The following MYO16 variants were observed in gnomAD, a reference collection of about 807,000 sequenced individuals.
MYO16 encodes the protein myosin XVI.
A neutral mutation model predicts 205.3 loss-of-function variants in MYO16; 94 were observed. The ratio of observed to expected loss-of-function variants is 0.46; its 90% confidence interval spans 0.39 to 0.54. The LOEUF (loss-of-function observed/expected upper bound fraction) is 0.54, where lower values mean the gene tolerates loss of function less well. Among genes scored for constraint, MYO16 ranks in the 20% least tolerant of loss-of-function variants. The pLI is 0.00. For synonymous variants in MYO16, 988 were observed against 954.0 expected, an observed-to-expected ratio of 1.04 and a Z score of -0.66; for missense variants, 2,315 against 2,387.5, an observed-to-expected ratio of 0.97 and a Z score of 0.63.
chr13:108,824,530 A>T (rs1876152406), intron 9 of MYO16, among the ~76,000 whole-genome samples: 1 of 152,114 alleles, frequency 6.6e-6, no homozygotes, highest in South Asian at 2.1e-4. Context: ...ATGGTTAAAG[A>T]TGTTAATGCC....
chr13:108,580,244 G>T, the MYO16 span, among the ~76,000 whole-genome samples: 1 of 152,146 alleles, frequency 6.6e-6, no homozygotes, highest in Non-Finnish European at 1.5e-5. Flanking sequence ...GAGGTCCAGT[G>T]TCTCTCTTTA....
intron 9 of MYO16, among the ~76,000 whole-genome samples, chr13:108,837,081 C>A (rs1026152609): frequency 6.6e-6 from 1 of 152,150 alleles, no homozygotes; most frequent in Non-Finnish European, 1.5e-5. Flanking sequence ...AATTGTAGTT[C>A]CCATAATCCC....
At chr13:108,756,971 A>G (rs1042075719) in intron 4 of MYO16, among the ~76,000 whole-genome samples, 11 of 152,224 alleles carry the variant, frequency 7.2e-5, no homozygotes, top group Non-Finnish European at 1.3e-4. Flanking sequence ...AAATTTATTC[A>G]ATAGCCCTTG....
At chr13:108,673,549 A>T (rs2139450479) in intron 2 of MYO16, among the ~76,000 whole-genome samples, 1 of 152,174 alleles carries the variant, frequency 6.6e-6, no homozygotes, top group Non-Finnish European at 1.5e-5. Context: ...AGGAAAATTG[A>T]AAAATATCAA....
chr13:108,995,754 A>G (rs1884981469), intron 21 of MYO16, among the ~76,000 whole-genome samples: 1 of 152,166 alleles, frequency 6.6e-6, no homozygotes, highest in African/African-American at 2.4e-5. Context: ...CCATGTCCCT[A>G]CAAAGGACAT....
chr13:108,752,956 T>C (rs188529069), intron 4 of MYO16, among the ~76,000 whole-genome samples: 1 of 151,126 alleles, frequency 6.6e-6, no homozygotes, highest in East Asian at 2.0e-4. Flanking sequence ...TGTAAAACAC[T>C]ATTAAGTTTT....
chr13:108,730,403 T>A (rs1469294782), intron 4 of MYO16, among the ~76,000 whole-genome samples: 1 of 152,158 alleles, frequency 6.6e-6, no homozygotes, highest in African/African-American at 2.4e-5. Context: ...TATTTCTTCA[T>A]AGCAGCGTGA....
At chr13:109,119,106 G>A (rs1763019648) in intron 28 of MYO16, among the ~76,000 whole-genome samples, 1 of 152,182 alleles carries the variant, frequency 6.6e-6, no homozygotes. Flanking sequence ...AAGGGGCAAA[G>A]TGACAAAGTG....
intron 32 of MYO16, among the ~76,000 whole-genome samples, chr13:109,151,942 G>A (rs1877694066): frequency 6.6e-6 from 1 of 152,104 alleles, no homozygotes; most frequent in African/African-American, 2.4e-5. Flanking sequence ...CGTGCTGGAG[G>A]GGGTCAGACT....
chr13:108,534,884 TCTC>T, the MYO16 span, among the ~76,000 whole-genome samples: 1 of 149,170 alleles, frequency 6.7e-6, no homozygotes, highest in South Asian at 2.2e-4. Context: ...TTCTTCTTCT[TCTC>T]CTCTTTCTTC....
At chr13:109,102,532 G>A (rs1889005269) in intron 28 of MYO16, among the ~76,000 whole-genome samples, 1 of 151,716 alleles carries the variant, frequency 6.6e-6, no homozygotes, top group African/African-American at 2.4e-5. Context: ...ATATCTGTGA[G>A]ATAGATGTAT....
intron 32 of MYO16, among the ~76,000 whole-genome samples, chr13:109,155,963 T>C (rs181768680): frequency 2.0e-5 from 3 of 152,144 alleles, no homozygotes; most frequent in African/African-American, 4.8e-5. Context: ...AATTCTATCA[T>C]GTAAAAGAAA....
At chr13:108,680,692 A>G (rs1481316829) in intron 2 of MYO16, among the ~76,000 whole-genome samples, 2 of 152,192 alleles carry the variant, frequency 1.3e-5, no homozygotes, top group Non-Finnish European at 2.9e-5. Flanking sequence ...TAGGACAAGG[A>G]GGCATAAGGT....
intron 21 of MYO16, among the ~76,000 whole-genome samples, chr13:108,992,946 A>G (rs987234032): frequency 6.6e-6 from 1 of 152,206 alleles, no homozygotes; most frequent in Non-Finnish European, 1.5e-5. Context: ...GGGGCATTTT[A>G]AAAGTATTAA....
At chr13:108,568,822 T>C in the MYO16 span, among the ~76,000 whole-genome samples, 1 of 152,076 alleles carries the variant, frequency 6.6e-6, no homozygotes, top group Non-Finnish European at 1.5e-5. Context: ...AGTTTTGCGG[T>C]TTTGTCCTTT....
At chr13:108,681,703 G>T (rs1882470736) in intron 2 of MYO16, among the ~76,000 whole-genome samples, 1 of 152,136 alleles carries the variant, frequency 6.6e-6, no homozygotes, top group Non-Finnish European at 1.5e-5. Flanking sequence ...AATAAAGAGA[G>T]AGAGAGCCAG....
chr13:109,102,339 C>A (rs1176631398), intron 28 of MYO16, among the ~76,000 whole-genome samples: 1 of 151,980 alleles, frequency 6.6e-6, no homozygotes, highest in Non-Finnish European at 1.5e-5. Flanking sequence ...GAAGTCAGTT[C>A]AATGGAATCA....
intron 23 of MYO16, among the ~76,000 whole-genome samples, chr13:109,036,122 A>G (rs1886709000): frequency 6.6e-6 from 1 of 152,218 alleles, no homozygotes; most frequent in African/African-American, 2.4e-5. Context: ...AGAACTCACT[A>G]TTCCCCAGCT....
chr13:109,059,714 G>A (rs772615323), intron 27 of MYO16, among the ~76,000 whole-genome samples: 2 of 152,146 alleles, frequency 1.3e-5, no homozygotes, highest in Non-Finnish European at 2.9e-5. Flanking sequence ...TAGGTTGCTT[G>A]TTCACTCTGA....
Sources: allele counts gnomAD v4.1 joint callset (sites outside exome capture counted in the v4.1 genomes callset), GRCh38; gene constraint gnomAD v4.1.1; transcripts MANE v1.5; gene names NCBI Gene and HGNC (gene_info 2026-07-23, HGNC 2026-07-21).